LPIN2: variants seen among roughly 807,000 people sequenced by gnomAD.
LPIN2 encodes the protein phosphatidate phosphatase LPIN2.
Under a neutral mutation model 111.4 loss-of-function variants are expected in LPIN2, and 55 were observed. The ratio of observed to expected loss-of-function variants is 0.49; its 90% CI spans 0.40 to 0.62. LPIN2 has a LOEUF of 0.62. Among genes scored for constraint, LPIN2 ranks in the 20% least tolerant of loss-of-function variants. The pLI is 0.00. For missense variants in LPIN2, 992 were observed against 1,112.1 expected (o/e 0.89, Z 1.54); for synonymous variants, 425 against 414.0 (o/e 1.03, Z -0.32).
intron 5 of LPIN2, 54 bp downstream of exon 5, chr18:2,940,551 A>G: frequency 9.4e-7 from 1 of 1,062,334 alleles, no homozygotes; most frequent in Non-Finnish European, 1.5e-6. Flanking sequence ...AGAAAAGCTA[A>G]TTAATACATC....
At chr18:2,969,941 A>G (rs1310413950) in intron 1 of LPIN2, among the ~76,000 whole-genome samples, 1 of 152,214 alleles carries the variant, frequency 6.6e-6, no homozygotes, top group Non-Finnish European at 1.5e-5. Context: ...ATAAGTGTGG[A>G]TCAGAAGTGG....
intron 2 of LPIN2, among the ~76,000 whole-genome samples, chr18:2,956,711 T>C (rs2077621943): frequency 6.6e-6 from 1 of 152,242 alleles, no homozygotes; most frequent in Admixed American, 6.5e-5. Flanking sequence ...TTCTTTAACA[T>C]GCAAATTCAG....
At chr18:2,939,871 A>C (rs1342573379) in intron 5 of LPIN2, among the ~76,000 whole-genome samples, 4 of 152,248 alleles carry the variant, frequency 2.6e-5, no homozygotes, top group Non-Finnish European at 2.9e-5. Context: ...TTTTCACAAG[A>C]AATCAATGAG....
rs2077206814 is a variant in LPIN2, at chr18:2,931,110, G to A, written c.1456+146C>T. 6 of 948,168 alleles carry A rather than the reference G, an allele frequency of 6.3e-6. No individual in the cohort carries two copies. The South Asian group carries it at 8.5e-5, about 13-fold the overall frequency. 58.7% of individuals were successfully genotyped at this position (948,168 alleles called of 1,614,324 possible). ...ATTAAGACCTTAAGTGAGGGTATAA[G>A]GGTCTGACATTACAGAACATACCTG... On this transcript the variant is annotated intron_variant, in intron 9 of 19. Coordinates refer to ENST00000677752, the MANE Select transcript of LPIN2 (RefSeq NM_001375808.2).
intron 1 of LPIN2, among the ~76,000 whole-genome samples, chr18:3,005,447 G>A (rs2078499328): frequency 6.6e-6 from 1 of 152,022 alleles, no homozygotes; most frequent in African/African-American, 2.4e-5. Flanking sequence ...GGAGGCTGAG[G>A]TGGGAGGATC....
Position 2,937,570 on chromosome 18 carries a change from AAG to A in LPIN2, c.1168+120_1168+121del, listed in dbSNP as rs1303968835. 673 of 661,358 alleles carry A rather than the reference AAG, an allele frequency of 1.0e-3. 16 individuals carry two copies. The African/African-American group carries it at 0.013, about 12-fold the overall frequency. The allele number at this position is 661,358 out of a possible 1,614,324, so 41.0% of individuals were successfully genotyped here. Reference sequence around the variant, plus strand: ...AAAAAAAAAAAAAAAAAAAAAAAAAAAGTGCGACGGGTTTCGACTGGTGAATA... The same window carrying A: ...AAAAAAAAAAAAAAAAAAAAAAAAAATGCGACGGGTTTCGACTGGTGAATA... On this transcript the variant is annotated intron_variant, in intron 7 of 19. Coordinates refer to ENST00000677752, the MANE Select transcript of LPIN2 (RefSeq NM_001375808.2).
chr18:2,958,236 A>G (rs1274494926), intron 2 of LPIN2, among the ~76,000 whole-genome samples: 1 of 151,526 alleles, frequency 6.6e-6, no homozygotes, highest in Non-Finnish European at 1.5e-5. Flanking sequence ...GATATCAATA[A>G]ATTTTAAAAT....
chr18:2,987,457 C>T (rs921050571), intron 1 of LPIN2, among the ~76,000 whole-genome samples: 21 of 152,144 alleles, frequency 1.4e-4, no homozygotes, highest in Non-Finnish European at 2.5e-4. Context: ...AAAATTATCA[C>T]AAAATGTATC....
chr18:3,009,581 G>A (rs989490873), intron 1 of LPIN2, among the ~76,000 whole-genome samples: 1 of 151,708 alleles, frequency 6.6e-6, no homozygotes, highest in African/African-American at 2.4e-5. Context: ...TGGGTCTACA[G>A]GCATGCATAA....
intron 16 of LPIN2, among the ~76,000 whole-genome samples, chr18:2,922,416 A>G (rs917778396): frequency 3.3e-5 from 5 of 151,978 alleles, no homozygotes; most frequent in African/African-American, 9.7e-5. Context: ...CTAGGATTAC[A>G]GGCATGGGAC....
intron 2 of LPIN2, among the ~76,000 whole-genome samples, chr18:2,960,174 ATGTGTGTGTGTGTGTGTGTGTGTG>A (rs59457524): frequency 2.2e-5 from 3 of 136,538 alleles, no homozygotes; most frequent in East Asian, 4.3e-4. Context: ...CGACTCAAAA[ATGTGTGTGTGTGTGTGTGTGTGTG>A]TGTGTGTGTG....
At chr18:2,987,250 C>T (rs1227619913) in intron 1 of LPIN2, among the ~76,000 whole-genome samples, 1 of 152,110 alleles carries the variant, frequency 6.6e-6, no homozygotes, top group African/African-American at 2.4e-5. Context: ...TATAGACTCA[C>T]AATAACAGGG....
chr18:2,966,014 T>C (rs1382187616), intron 1 of LPIN2, among the ~76,000 whole-genome samples: 1 of 152,108 alleles, frequency 6.6e-6, no homozygotes, highest in Non-Finnish European at 1.5e-5. Context: ...CTGCTCACTG[T>C]AACCTCAGCC....
chr18:2,977,277 G>A (rs552110063), intron 1 of LPIN2: 2 of 152,072 alleles, frequency 1.3e-5, no homozygotes, highest in African/African-American at 4.8e-5. Context: ...ACCCTGTGGT[G>A]CTGGACTGGA....
chr18:2,948,839 A>G (rs2077493922), intron 4 of LPIN2, among the ~76,000 whole-genome samples: 1 of 151,146 alleles, frequency 6.6e-6, no homozygotes, highest in Non-Finnish European at 1.5e-5. Context: ...TTAAAGACAG[A>G]GTCTTGCTCT....
At position 2,925,524 on chromosome 18, in the gene LPIN2, C is replaced by T. The variant is rs925676096; in HGVS notation, c.1794-156G>A. On this transcript the variant is annotated intron_variant, in intron 13 of 19. Transcript: ENST00000677752. The surrounding 1 kb of genome is among the most constrained non-coding windows in gnomAD (Gnocchi z 4.1). ...ATTCTCCCATATCCACAGCTCTGTA[C>T]GCCTGAAATATTCATATTGTTAACT... 2.0e-5 allele frequency among the ~76,000 whole-genome samples: 3 copies of T among 152,134 alleles called. No homozygotes were observed. Among genetic ancestry groups the T allele is most frequent in the Non-Finnish European group, 4.4e-5 (3 of 68,020 alleles).
intron 1 of LPIN2, among the ~76,000 whole-genome samples, chr18:2,984,644 C>T (rs540199000): frequency 1.3e-5 from 2 of 151,904 alleles, no homozygotes; most frequent in Non-Finnish European, 2.9e-5. Flanking sequence ...AGAAAATATT[C>T]AACTGGATAG....
chr18:2,994,964 T>G (rs1053671064), intron 1 of LPIN2, among the ~76,000 whole-genome samples: 1 of 152,070 alleles, frequency 6.6e-6, no homozygotes, highest in African/African-American at 2.4e-5. Context: ...ACAGGGAGTT[T>G]TATACCACAG....
intron 1 of LPIN2, among the ~76,000 whole-genome samples, chr18:3,006,941 A>G (rs532728954): frequency 1.3e-5 from 2 of 152,024 alleles, no homozygotes; most frequent in South Asian, 4.2e-4. Flanking sequence ...TCAAGGCTGC[A>G]GTGAGCTGAG....
Sources: gnomAD v4.1 joint callset for allele counts (sites outside exome capture counted in the v4.1 genomes callset) on GRCh38, gnomAD v4.1.1 for gene constraint, Gnocchi (gnomAD v3.1) non-coding constraint, MANE v1.5 for transcripts, NCBI Gene and HGNC (gene_info 2026-07-23, HGNC 2026-07-21) for gene names.